The following KCNJ6 variants were observed in gnomAD, a reference collection of about 807,000 sequenced individuals.
KCNJ6 encodes G protein-activated inward rectifier potassium channel 2.
Under a neutral mutation model 34.2 loss-of-function variants are expected in KCNJ6, and 9 were observed. That is an observed-to-expected ratio of 0.26 (90% CI 0.16 to 0.46). The LOEUF (loss-of-function observed/expected upper bound fraction) is 0.46. Ranked by LOEUF, KCNJ6 falls within the 20% of genes least tolerant of loss-of-function variation. KCNJ6 has a pLI of 1.00. For synonymous variants in KCNJ6, 196 were observed against 207.1 expected, an observed-to-expected ratio of 0.95 and a Z score of 0.46; for missense variants, 236 against 531.3, an observed-to-expected ratio of 0.44 and a Z score of 5.46.
rs965887707 is a variant in KCNJ6 at position 37,623,489 on chromosome 21, T to A, written c.*1670A>T. 23 of 152,274 alleles carry A rather than the reference T, an allele frequency of 1.5e-4. No individual in the cohort carries two copies. Among genetic ancestry groups the A allele is most frequent in the African/African-American group, 5.3e-4 (22 of 41,576 alleles). The allele number at this position is 152,274 out of a possible 1,614,324, so 9.4% of individuals were successfully genotyped here. On this transcript the variant is annotated 3_prime_UTR_variant, in exon 4 of 4. Coordinates refer to ENST00000609713, the MANE Select transcript of KCNJ6 (RefSeq NM_002240.5). ...GAACAAACAGCTTATAAATGCAAAG[T>A]GAATGTGAAAGATCTGTAACAGTGC... is the stretch of plus-strand genomic sequence containing the variant.
chr21:37,690,411 T>C (rs1043031284), intron 3 of KCNJ6, among the ~76,000 whole-genome samples: 2 of 152,202 alleles, frequency 1.3e-5, no homozygotes, highest in Non-Finnish European at 2.9e-5. Flanking sequence ...TCTGTTTGCA[T>C]TGAAATGATG....
intron 3 of KCNJ6, among the ~76,000 whole-genome samples, chr21:37,707,735 G>GTGTGTGTGTGTATATGTGTGCATGTGT (rs1267356647): frequency 8.0e-5 from 12 of 149,680 alleles, no homozygotes; most frequent in East Asian, 1.9e-4. Context: ...GTGTGTGTGT[G>GTGTGTGTGTGTATATGTGTGCATGTGT]AATAATTTAC....
intron 1 of KCNJ6, among the ~76,000 whole-genome samples, chr21:37,878,384 G>A (rs141925625): frequency 2.2e-3 from 334 of 152,236 alleles, no homozygotes; most frequent in African/African-American, 7.2e-3. Context: ...TAAGCAAATA[G>A]CTTTGCAGAA....
At position 37,613,138 on chromosome 21, in the gene KCNJ6, A is replaced by G. The variant is rs936036439; in HGVS notation, c.*12021T>C. Reference sequence around the variant, plus strand: ...AAAAAAATGCCCAAAAGACCTGAACAGACACCTCACCAAAGAAGATGTACA... The same window carrying G: ...AAAAAAATGCCCAAAAGACCTGAACGGACACCTCACCAAAGAAGATGTACA... On this transcript the variant is annotated 3_prime_UTR_variant, in exon 4 of 4. Transcript: ENST00000609713. 6.6e-6 allele frequency: 1 copy of G among 152,234 alleles called. No homozygotes were observed. The highest frequency in any genetic ancestry group is 2.1e-4 in the South Asian group (1 of 4,828). 9.4% of individuals were successfully genotyped at this position (152,234 alleles called of 1,614,324 possible).
At chr21:37,773,881 C>G (rs2055129476) in intron 2 of KCNJ6, among the ~76,000 whole-genome samples, 1 of 152,178 alleles carries the variant, frequency 6.6e-6, no homozygotes, top group African/African-American at 2.4e-5. Context: ...CACGGCCAGT[C>G]CCCTGGGCCA....
At chr21:37,663,115 A>G (rs577744049) in intron 3 of KCNJ6, among the ~76,000 whole-genome samples, 1 of 152,324 alleles carries the variant, frequency 6.6e-6, no homozygotes, top group South Asian at 2.1e-4. Context: ...ATAAAAGTTC[A>G]AGGAAGAAAA....
At chr21:37,761,193 T>C (rs2055059931) in intron 2 of KCNJ6, among the ~76,000 whole-genome samples, 1 of 148,902 alleles carries the variant, frequency 6.7e-6, no homozygotes, top group Non-Finnish European at 1.5e-5. Context: ...GTGTGTGCGA[T>C]GTGTGTGTAT....
At chr21:37,840,981 C>T (rs1053028575) in intron 1 of KCNJ6, among the ~76,000 whole-genome samples, 7 of 152,124 alleles carry the variant, frequency 4.6e-5, no homozygotes, top group African/African-American at 1.7e-4. Context: ...GACGCACGAC[C>T]AGTTTTCAAA....
intron 1 of KCNJ6, among the ~76,000 whole-genome samples, chr21:37,879,882 T>C (rs1451383889): frequency 6.6e-6 from 1 of 151,990 alleles, no homozygotes; most frequent in Non-Finnish European, 1.5e-5. Context: ...TTATTTTCTA[T>C]AGGGTCCAAA....
chr21:37,910,150 G>A (rs958082078), intron 1 of KCNJ6, among the ~76,000 whole-genome samples: 4 of 152,256 alleles, frequency 2.6e-5, no homozygotes, highest in African/African-American at 7.2e-5. Flanking sequence ...GAGGCATAGC[G>A]CTCCAGAGAA....
At chr21:37,660,562 C>G (rs1247865021) in intron 3 of KCNJ6, among the ~76,000 whole-genome samples, 2 of 152,180 alleles carry the variant, frequency 1.3e-5, no homozygotes, top group East Asian at 3.9e-4. Flanking sequence ...ATGCATTGTT[C>G]CCATAAGGAC....
chr21:37,682,540 G>A (rs868387545), intron 3 of KCNJ6, among the ~76,000 whole-genome samples: 28 of 172 alleles, frequency 0.16, no homozygotes, highest in South Asian at 0.5. Flanking sequence ...CCATCTTCAC[G>A]TGACCTTCTT....
chr21:37,690,781 C>CTTTTTTTTTTT (rs796532358), intron 3 of KCNJ6, among the ~76,000 whole-genome samples: 1 of 136,568 alleles, frequency 7.3e-6, no homozygotes, highest in Non-Finnish European at 1.6e-5. Context: ...TTTTTCTTTT[C>CTTTTTTTTTTT]TTTTTTTTTT....
At chr21:37,769,203 C>T (rs1005671537) in intron 2 of KCNJ6, among the ~76,000 whole-genome samples, 24 of 152,154 alleles carry the variant, frequency 1.6e-4, no homozygotes, top group Admixed American at 1.2e-3. Context: ...TAAGAGCTTA[C>T]GTGATGTTCC....
In KCNJ6 at chr21:37,622,265, A is replaced by T. The variant is rs2054292171; in HGVS notation, c.*2894T>A. 1 of 152,238 alleles carries T rather than the reference A, an allele frequency of 6.6e-6. No individual in the cohort carries two copies. Among genetic ancestry groups the T allele is most frequent in the African/African-American group, 2.4e-5 (1 of 41,460 alleles). The allele number at this position is 152,238 out of a possible 1,614,324, so 9.4% of individuals were successfully genotyped here. On this transcript the variant is annotated 3_prime_UTR_variant, in exon 4 of 4. Transcript: ENST00000609713. ...TTGTATTAAAAGAGACTTTTAAAAAATTCTCATTGCACTTGGTTTGCTAAT... is the reference window on the plus strand; with the variant it reads ...TTGTATTAAAAGAGACTTTTAAAAATTTCTCATTGCACTTGGTTTGCTAAT...
intron 3 of KCNJ6, among the ~76,000 whole-genome samples, chr21:37,626,192 G>A (rs1031310745): frequency 1.3e-5 from 2 of 150,380 alleles, no homozygotes; most frequent in Admixed American, 1.3e-4. Flanking sequence ...GTGCAGTGGT[G>A]CGATCTCGGC....
At chr21:37,853,702 T>G (rs117575368) in intron 1 of KCNJ6, among the ~76,000 whole-genome samples, 10,900 of 151,816 alleles carry the variant, frequency 0.072, 416 homozygotes, top group East Asian at 0.086. Flanking sequence ...TCTACTGTGA[T>G]TCTTAATATA....
intron 2 of KCNJ6, among the ~76,000 whole-genome samples, chr21:37,795,757 ACC>A (rs35732664): frequency 0.016 from 2,174 of 139,758 alleles, 51 homozygotes; most frequent in African/African-American, 0.046. Context: ...ACAAAAAAAA[ACC>A]CTGCCACATA....
intron 2 of KCNJ6, among the ~76,000 whole-genome samples, chr21:37,720,626 A>C (rs1043703146): frequency 6.6e-6 from 1 of 152,046 alleles, no homozygotes; most frequent in African/African-American, 2.4e-5. Context: ...CAGTGCCCTT[A>C]GTGACACAGA....
Sources: allele counts gnomAD v4.1 joint callset (sites outside exome capture counted in the v4.1 genomes callset), GRCh38; gene constraint gnomAD v4.1.1; transcripts MANE v1.5; gene names NCBI Gene and HGNC (gene_info 2026-07-23, HGNC 2026-07-21).